The following SLC24A2 variants were observed in gnomAD, a reference collection of about 807,000 sequenced individuals.
SLC24A2 encodes the protein solute carrier family 24 member 2.
Under a neutral mutation model 62.0 loss-of-function variants are expected in SLC24A2, and 36 were observed. That is an observed-to-expected ratio of 0.58 (90% CI 0.44 to 0.77). SLC24A2 has a LOEUF of 0.77. SLC24A2 is among the 30% of genes least tolerant of loss of function. The pLI, the probability that SLC24A2 is intolerant of heterozygous loss-of-function variation, is 0.00. For missense variants in SLC24A2, 846 were observed against 817.9 expected, an observed-to-expected ratio of 1.03 and a Z score of -0.42; for synonymous variants, 358 against 294.0, an observed-to-expected ratio of 1.22 and a Z score of -2.23.
the SLC24A2 span, among the ~76,000 whole-genome samples, chr9:19,964,346 G>A: frequency 6.6e-6 from 1 of 151,928 alleles, no homozygotes; most frequent in East Asian, 1.9e-4. Flanking sequence ...TTGTGCACAT[G>A]TACCCTAAAA....
the SLC24A2 span, among the ~76,000 whole-genome samples, chr9:19,953,764 A>C: frequency 6.6e-6 from 1 of 152,078 alleles, no homozygotes; most frequent in South Asian, 2.1e-4. Flanking sequence ...ACAACTTTTA[A>C]AACTTTGGAC....
At chr9:20,186,717 C>A in the SLC24A2 span, among the ~76,000 whole-genome samples, 1 of 152,052 alleles carries the variant, frequency 6.6e-6, no homozygotes. Context: ...AAAAATAATG[C>A]CTATCTCCTC....
chr9:20,195,447 T>C, the SLC24A2 span, among the ~76,000 whole-genome samples: 1 of 152,158 alleles, frequency 6.6e-6, no homozygotes, highest in East Asian at 1.9e-4. Context: ...TTTTAGGAAA[T>C]TTTCGTGTAT....
chr9:20,091,739 C>G, the SLC24A2 span, among the ~76,000 whole-genome samples: 1 of 152,168 alleles, frequency 6.6e-6, no homozygotes, highest in Non-Finnish European at 1.5e-5. Flanking sequence ...AGGACCATTA[C>G]TAGCCAATAC....
intron 2 of SLC24A2, among the ~76,000 whole-genome samples, chr9:19,707,017 A>C (rs1322884403): frequency 2.0e-5 from 3 of 152,046 alleles, no homozygotes; most frequent in Non-Finnish European, 4.4e-5. Context: ...AGCAAGACTA[A>C]TAAAGAAGAA....
chr9:19,941,590 T>TGTGTGTGAGAGAGA, the SLC24A2 span, among the ~76,000 whole-genome samples: 29 of 127,978 alleles, frequency 2.3e-4, no homozygotes, highest in African/African-American at 7.3e-4. Flanking sequence ...TGTGTGTGTG[T>TGTGTGTGAGAGAGA]GAGAGAGAGA....
At chr9:20,172,689 A>T in the SLC24A2 span, among the ~76,000 whole-genome samples, 1 of 152,172 alleles carries the variant, frequency 6.6e-6, no homozygotes, top group South Asian at 2.1e-4. Context: ...ACAAGCAGTG[A>T]ATTTAACATG....
chr9:20,284,567 GATTCAACATCTCTGCCC>G, the SLC24A2 span, among the ~76,000 whole-genome samples: 3 of 151,998 alleles, frequency 2.0e-5, no homozygotes, highest in African/African-American at 7.3e-5. Flanking sequence ...AATGACTAAA[GATTCAACATCTCTGCCC>G]AGCAGGATTC....
the SLC24A2 span, among the ~76,000 whole-genome samples, chr9:19,884,815 G>C: frequency 6.6e-6 from 1 of 152,090 alleles, no homozygotes; most frequent in African/African-American, 2.4e-5. Context: ...CCCAACAGTA[G>C]GCTAATGTAA....
the SLC24A2 span, chr9:19,957,520 G>A: frequency 1.3e-5 from 2 of 152,240 alleles, no homozygotes; most frequent in Admixed American, 6.5e-5. Flanking sequence ...CCTGAGCATA[G>A]GTCAGTTCCA....
At chr9:20,218,869 A>G in the SLC24A2 span, among the ~76,000 whole-genome samples, 1 of 152,150 alleles carries the variant, frequency 6.6e-6, no homozygotes, top group Non-Finnish European at 1.5e-5. Flanking sequence ...TCAGGCTGCA[A>G]TCCAGGTGTC....
chr9:19,815,928 A>T, the SLC24A2 span, among the ~76,000 whole-genome samples: 1 of 149,546 alleles, frequency 6.7e-6, no homozygotes, highest in African/African-American at 2.4e-5. Context: ...CCATGTTGGG[A>T]CAGGTGTGAT....
intron 2 of SLC24A2, among the ~76,000 whole-genome samples, chr9:19,652,194 G>A (rs1818820702): frequency 1.3e-5 from 2 of 152,068 alleles, no homozygotes; most frequent in Admixed American, 1.3e-4. Context: ...TTGGAGGTAG[G>A]GTACTTCCTC....
the SLC24A2 span, among the ~76,000 whole-genome samples, chr9:19,893,168 G>A: frequency 1.3e-5 from 2 of 152,096 alleles, no homozygotes; most frequent in Non-Finnish European, 1.5e-5. Flanking sequence ...AAGCAAGTAG[G>A]GCAGGGAGTA....
chr9:19,522,144 G>A (rs930091090), intron 9 of SLC24A2, among the ~76,000 whole-genome samples: 2 of 152,042 alleles, frequency 1.3e-5, no homozygotes, highest in Non-Finnish European at 2.9e-5. Context: ...GAGTAGCTGG[G>A]ACCACAGGTG....
At chr9:20,154,970 A>C in the SLC24A2 span, among the ~76,000 whole-genome samples, 1 of 151,590 alleles carries the variant, frequency 6.6e-6, no homozygotes, top group African/African-American at 2.4e-5. Context: ...GCTATCAGGG[A>C]AAAAGAGATT....
chr9:20,189,769 C>G, the SLC24A2 span, among the ~76,000 whole-genome samples: 4 of 152,320 alleles, frequency 2.6e-5, no homozygotes, highest in South Asian at 8.3e-4. Context: ...CTGCAAATCG[C>G]ATTACTTTAG....
intron 2 of SLC24A2, among the ~76,000 whole-genome samples, chr9:19,662,648 T>C (rs986593151): frequency 6.6e-6 from 1 of 152,168 alleles, no homozygotes; most frequent in African/African-American, 2.4e-5. Flanking sequence ...AAACCTGGAG[T>C]TCCATTGCAG....
chr9:19,758,757 T>C (rs1320788583), intron 2 of SLC24A2, among the ~76,000 whole-genome samples: 1 of 152,172 alleles, frequency 6.6e-6, no homozygotes, highest in Non-Finnish European at 1.5e-5. Context: ...AGGTAATTCC[T>C]TTTAAATAAT....
Sources: gnomAD v4.1 joint callset for allele counts (sites outside exome capture counted in the v4.1 genomes callset) on GRCh38, gnomAD v4.1.1 for gene constraint, MANE v1.5 for transcripts, NCBI Gene and HGNC (gene_info 2026-07-23, HGNC 2026-07-21) for gene names.